The following GMDS variants were observed in gnomAD, a reference collection of about 807,000 sequenced individuals.
GMDS encodes GDP-mannose 4,6 dehydratase.
A neutral mutation model predicts 49.9 loss-of-function variants in GMDS; 20 were observed. The observed-to-expected ratio is 0.40, with a 90% CI of 0.28 to 0.58. The LOEUF (loss-of-function observed/expected upper bound fraction) is 0.58, where lower values mean the gene tolerates loss of function less well. GMDS is among the 20% of genes least tolerant of loss of function. The pLI is 0.42. For missense variants in GMDS, 362 were observed against 481.4 expected (o/e 0.75, Z 2.32); for synonymous variants, 177 against 178.6 (o/e 0.99, Z 0.07).
At chr6:1,845,307 C>T (rs1166321701) in intron 7 of GMDS, among the ~76,000 whole-genome samples, 3 of 152,008 alleles carry the variant, frequency 2.0e-5, no homozygotes, top group African/African-American at 7.2e-5. Flanking sequence ...GTTTATTATC[C>T]CATATTCAAC....
intron 7 of GMDS, among the ~76,000 whole-genome samples, chr6:1,891,365 T>C (rs1215140352): frequency 1.3e-5 from 2 of 152,222 alleles, no homozygotes; most frequent in Non-Finnish European, 2.9e-5. Flanking sequence ...AGGAGTTTAA[T>C]GTGCTGGGAT....
intron 4 of GMDS, among the ~76,000 whole-genome samples, chr6:2,002,396 T>C (rs191932897): frequency 4.9e-4 from 74 of 152,342 alleles, no homozygotes; most frequent in Non-Finnish European, 9.1e-4. Context: ...GAATTATAAA[T>C]GTAAACATAC....
chr6:1,632,446 A>G (rs972509568), intron 9 of GMDS, among the ~76,000 whole-genome samples: 9 of 152,226 alleles, frequency 5.9e-5, no homozygotes, highest in Admixed American at 2.0e-4. Context: ...GGGAAGGTTC[A>G]CCAAGGAACT....
chr6:1,942,853 G>C (rs1051366906), intron 6 of GMDS, among the ~76,000 whole-genome samples: 3 of 152,180 alleles, frequency 2.0e-5, no homozygotes, highest in Admixed American at 6.5e-5. Context: ...TAAAGCCAGA[G>C]TCCTGATAGA....
chr6:1,847,044 GTAAATATTTCCCCCACCCCCTTTT>G (rs916200006), intron 7 of GMDS, among the ~76,000 whole-genome samples: 19 of 152,074 alleles, frequency 1.2e-4, no homozygotes, highest in Admixed American at 1.2e-3. Context: ...TGGGGAGAGG[GTAAATATTTCCCCCACCCCCTTTT>G]TAAAATAAAA....
chr6:1,960,651 T>C (rs1763888967), intron 5 of GMDS, 123 bp downstream of exon 5: 1 of 614,716 alleles, frequency 1.6e-6, no homozygotes, highest in Non-Finnish European at 2.8e-6. Context: ...TCTACCTTAA[T>C]GTTAACCTCA....
chr6:1,645,227 C>G (rs1359360290), intron 9 of GMDS, among the ~76,000 whole-genome samples: 1 of 152,192 alleles, frequency 6.6e-6, no homozygotes, highest in East Asian at 1.9e-4. Flanking sequence ...AGCCACCGCG[C>G]CCAGCCTGCT....
At chr6:2,214,515 T>C (rs1780226543) in intron 1 of GMDS, among the ~76,000 whole-genome samples, 1 of 152,186 alleles carries the variant, frequency 6.6e-6, no homozygotes, top group African/African-American at 2.4e-5. Flanking sequence ...CTAAGTATGA[T>C]TTATCATACA....
chr6:1,835,261 CTGGGAT>C (rs1394674776), intron 7 of GMDS, among the ~76,000 whole-genome samples: 2 of 152,150 alleles, frequency 1.3e-5, no homozygotes, highest in Non-Finnish European at 2.9e-5. Context: ...GGACAGATCA[CTGGGAT>C]AGGGTGGAGG....
At chr6:1,655,187 A>G (rs889927637) in intron 9 of GMDS, among the ~76,000 whole-genome samples, 6 of 152,182 alleles carry the variant, frequency 3.9e-5, no homozygotes, top group Non-Finnish European at 1.5e-5. Context: ...AAAAAGACAA[A>G]AAGTGTCACA....
At chr6:1,901,959 G>T (rs747543476) in intron 7 of GMDS, among the ~76,000 whole-genome samples, 6 of 152,154 alleles carry the variant, frequency 3.9e-5, no homozygotes, top group Admixed American at 6.5e-5. Context: ...TGACTTCTGC[G>T]CAATGGTAAA....
intron 1 of GMDS, among the ~76,000 whole-genome samples, chr6:2,126,253 C>T (rs1023065645): frequency 6.6e-6 from 1 of 152,134 alleles, no homozygotes; most frequent in Non-Finnish European, 1.5e-5. Context: ...TTCTGCCCAA[C>T]TAGAGGGTCC....
Position 1,868,432 on chromosome 6 carries a change from C to T in GMDS, c.771+61671G>A, listed in dbSNP as rs148353670. Among the ~76,000 whole-genome samples, 163 of 152,206 alleles carry T rather than the reference C, an allele frequency of 1.1e-3. 1 individual carries two copies. The East Asian group carries it at 0.025, about 24-fold the overall frequency. ...CATACATGGATGAACCAAGGAGGAC[C>T]GCAGTGATCCCGGTTGAATGCATTT... On this transcript the variant is annotated intron_variant, in intron 7 of 10. Coordinates refer to ENST00000380815, the MANE Select transcript of GMDS (RefSeq NM_001500.4).
chr6:1,820,320 T>C (rs1581220178), intron 7 of GMDS, among the ~76,000 whole-genome samples: 2 of 152,170 alleles, frequency 1.3e-5, no homozygotes, highest in South Asian at 4.1e-4. Context: ...GATTTCACAA[T>C]CAAAGTCCAA....
At chr6:1,921,855 T>C (rs1256682056) in intron 7 of GMDS, among the ~76,000 whole-genome samples, 1 of 152,216 alleles carries the variant, frequency 6.6e-6, no homozygotes, top group African/African-American at 2.4e-5. Context: ...AAAGAGAGTA[T>C]ATTAAATAGC....
intron 7 of GMDS, among the ~76,000 whole-genome samples, chr6:1,902,161 C>T (rs953357900): frequency 2.6e-5 from 4 of 152,172 alleles, no homozygotes; most frequent in African/African-American, 7.2e-5. Flanking sequence ...TATTTAAAAT[C>T]GGCAATGGGG....
chr6:2,042,603 T>C (rs1174696042), intron 4 of GMDS, among the ~76,000 whole-genome samples: 4 of 152,212 alleles, frequency 2.6e-5, no homozygotes, highest in Admixed American at 6.5e-5. Context: ...TAAAAAGTTG[T>C]AGCTTAAAAA....
At chr6:1,948,256 C>T (rs1033151239) in intron 6 of GMDS, among the ~76,000 whole-genome samples, 4 of 152,016 alleles carry the variant, frequency 2.6e-5, no homozygotes, top group Admixed American at 2.0e-4. Flanking sequence ...TATTCCATAA[C>T]AAATAGTGGA....
rs1561798153 is a variant in GMDS, at chr6:1,778,343, A to G, written c.772-35757T>C. 6.6e-6 allele frequency among the ~76,000 whole-genome samples: 1 copy of G among 152,202 alleles called. No homozygotes were observed. The highest frequency in any genetic ancestry group is 1.5e-5 in the Non-Finnish European group (1 of 68,038). On this transcript the variant is annotated intron_variant, in intron 7 of 10. Coordinates refer to ENST00000380815, the MANE Select transcript of GMDS (RefSeq NM_001500.4). This position sits in a 1 kb window ranked among gnomAD's most constrained non-coding sequence, Gnocchi z 4.6. Reference sequence around the variant, plus strand: ...GATAATTGCCTGTTTAGGATAATGGAATACTGATTGAAGTCAATTATTATA... The same window carrying G: ...GATAATTGCCTGTTTAGGATAATGGGATACTGATTGAAGTCAATTATTATA...
Sources: gnomAD v4.1 joint callset for allele counts (sites outside exome capture counted in the v4.1 genomes callset) on GRCh38, gnomAD v4.1.1 for gene constraint, Gnocchi (gnomAD v3.1) non-coding constraint, MANE v1.5 for transcripts, NCBI Gene and HGNC (gene_info 2026-07-23, HGNC 2026-07-21) for gene names.